Variants in OR2T6 observed in about 807,000 individuals in gnomAD.
OR2T6 encodes the protein olfactory receptor 2T6.
For synonymous variants in OR2T6, 174 were observed against 148.0 expected, an observed-to-expected ratio of 1.18 and a Z score of -1.27; for missense variants, 424 against 391.6, an observed-to-expected ratio of 1.08 and a Z score of -0.70.
rs140972140 is a variant in OR2T6 at position 248,388,023 on chromosome 1, C to T, written c.415C>T (p.Arg139Trp). ...PLRYPVLISW[R>W]VCWMILASSW... is the part of the protein sequence containing the mutation. ...GCGCTATCCTGTCCTCATCAGCTGG[C>T]GGGTCTGCTGGATGATCCTGGCCAG... Residue 139 changes from arginine to tryptophan, a missense_variant, in exon 3 of 3, where the codon CGG becomes TGG. By Grantham distance (101) the Arg-to-Trp change is moderately radical (BLOSUM62 -3). Transcript: ENST00000641644. 1.4e-3 allele frequency: 2,258 copies of T among 1,613,312 alleles called. 3 individuals are homozygous for T. Among genetic ancestry groups the T allele is most frequent in the East Asian group, 3.9e-3 (175 of 44,846 alleles).
rs150463767 is a variant in OR2T6 at position 248,388,366 on chromosome 1, G to T, written c.758G>T (p.Gly253Val). ...SHMMVVTLFY[G>V]AALYTYTLPQ... is the part of the protein sequence containing the mutation. ...ATGATGGTGGTGACATTGTTCTATG[G>T]GGCTGCCTTGTATACGTATACGCTT... is the stretch of plus-strand genomic sequence containing the variant. The change falls in exon 3 of 3, where the codon GGG becomes GTG. Residue 253 changes from glycine (G) to valine (V), a missense_variant. Transcript: ENST00000641644. The T allele has an allele frequency of 1.5e-5, 25 of 1,613,212 alleles. No individual in the cohort carries two copies. Among genetic ancestry groups the T allele is most frequent in the Non-Finnish European group, 2.1e-5 (25 of 1,179,642 alleles).
chr1:248,376,947 G>C (rs1264478608), intron 1 of OR2T6, among the ~76,000 whole-genome samples: 3 of 152,124 alleles, frequency 2.0e-5, no homozygotes, highest in African/African-American at 7.2e-5. Flanking sequence ...GTTTAAAAAT[G>C]GTCAACTACC....
At chr1:248,380,312 A>G (rs1281305299) in intron 1 of OR2T6, among the ~76,000 whole-genome samples, 2 of 151,924 alleles carry the variant, frequency 1.3e-5, no homozygotes, top group Non-Finnish European at 2.9e-5. Flanking sequence ...CTCTTCTCAT[A>G]TCTGTAGTTG....
At chr1:248,384,983 C>G (rs1347700614) in intron 2 of OR2T6, 119 bp downstream of exon 2, 1 of 152,224 alleles carries the variant, frequency 6.6e-6, no homozygotes, top group Non-Finnish European at 1.5e-5. Context: ...GTATTTCTCA[C>G]TTTCCTAAAT....
At chr1:248,385,705 A>G (rs1217194257) in intron 2 of OR2T6, among the ~76,000 whole-genome samples, 3 of 152,212 alleles carry the variant, frequency 2.0e-5, no homozygotes. Flanking sequence ...AGTGCTCAAC[A>G]GGTGACACGT....
rs145498881 is a variant in OR2T6 at position 248,388,298 on chromosome 1, G to A, written c.690G>A (p.Ser230=). The A allele has an allele frequency of 4.9e-5, 79 of 1,613,792 alleles. 1 individual carries two copies. Among genetic ancestry groups the A allele is most frequent in the African/African-American group, 4.3e-4 (32 of 74,966 alleles). ...RILITVHQMT[S]AEGRKKAFAT... ...TCATCACAGTGCATCAGATGACATC[G>A]GCTGAAGGGAGGAAGAAGGCCTTTG... Residue 230 remains serine (S), a synonymous_variant, in exon 3 of 3, where the codon TCG becomes TCA. Coordinates refer to ENST00000641644, the MANE Select transcript of OR2T6 (RefSeq NM_001005471.2).
Position 248,390,780 on chromosome 1 carries a change from C to T in OR2T6, c.*2245C>T, listed in dbSNP as rs1661237484. ...GAAGGAGAGGGCTGGCCCATAAGAA[C>T]TGATCATCAGTTTCAGCTCCACGTA... On this transcript the variant is annotated 3_prime_UTR_variant, in exon 3 of 3. Transcript: ENST00000641644. The T allele has an allele frequency of 6.6e-6, 1 of 152,204 alleles. No homozygotes were observed. The highest frequency in any genetic ancestry group is 1.5e-5 in the Non-Finnish European group (1 of 68,034). The allele number at this position is 152,204 out of a possible 1,614,324, so 9.4% of individuals were successfully genotyped here. A position where few individuals can be genotyped will look rare whatever the true frequency, so the allele number is the denominator to read the frequency against.
At chr1:248,380,944 AT>A (rs894830108) in intron 1 of OR2T6, among the ~76,000 whole-genome samples, 3 of 151,600 alleles carry the variant, frequency 2.0e-5, no homozygotes, top group Non-Finnish European at 4.4e-5. Context: ...TCCTTTTTGC[AT>A]TTTTTTAGTT....
chr1:248,379,181 GAAAAGA>G (rs1183340640), intron 1 of OR2T6, among the ~76,000 whole-genome samples: 1 of 152,062 alleles, frequency 6.6e-6, no homozygotes, highest in African/African-American at 2.4e-5. Flanking sequence ...TCTCAAAAAG[GAAAAGA>G]AAAAGAAAAA....
rs996674177 is a variant in OR2T6, at chr1:248,391,192, C to T, written c.*2657C>T. 1.3e-5 allele frequency: 2 copies of T among 152,166 alleles called. No homozygotes were observed. The highest frequency in any genetic ancestry group is 1.5e-5 in the Non-Finnish European group (1 of 68,036). The allele number at this position is 152,166 out of a possible 1,614,324, so 9.4% of individuals were successfully genotyped here. A position where few individuals can be genotyped will look rare whatever the true frequency, so the allele number is the denominator to read the frequency against. On this transcript the variant is annotated 3_prime_UTR_variant, in exon 3 of 3. Coordinates refer to ENST00000641644, the MANE Select transcript of OR2T6 (RefSeq NM_001005471.2). ...TTATGTTCACAGTAGATTTTTCATA[C>T]ATTCCAAAACATAGACTTAATCAGA... is the stretch of plus-strand genomic sequence containing the variant.
chr1:248,382,867 C>T (rs181846974), intron 1 of OR2T6, among the ~76,000 whole-genome samples: 50 of 152,324 alleles, frequency 3.3e-4, no homozygotes, highest in African/African-American at 1.2e-3. Context: ...TTTCTGCATC[C>T]TGGAGAGCTA....
At chr1:248,379,720 T>C (rs928203177) in intron 1 of OR2T6, among the ~76,000 whole-genome samples, 2 of 152,094 alleles carry the variant, frequency 1.3e-5, no homozygotes, top group Admixed American at 6.6e-5. Flanking sequence ...ATTCCATTTT[T>C]TTGTGTACAA....
At position 248,388,427 on chromosome 1, in the gene OR2T6, C is replaced by G; in HGVS notation, c.819C>G (p.Val273=). 1.9e-6 allele frequency: 3 copies of G among 1,613,758 alleles called. No individual in the cohort carries two copies. The highest frequency in any genetic ancestry group is 2.5e-6 in the Non-Finnish European group (3 of 1,179,794). The change falls in exon 3 of 3, where the codon GTC becomes GTG. Residue 273 remains valine (V), a synonymous_variant. Transcript: ENST00000641644. ...QSYHTPIKDK[V]FSAFYTILTP... is the part of the protein sequence containing the mutation. ...ACCACACCCCAATCAAAGATAAGGTCTTCTCTGCCTTTTATACCATCCTCA... is the reference window on the plus strand; with the variant it reads ...ACCACACCCCAATCAAAGATAAGGTGTTCTCTGCCTTTTATACCATCCTCA...
chr1:248,385,025 C>G (rs1231254997), intron 2 of OR2T6, among the ~76,000 whole-genome samples, 161 bp downstream of exon 2: 1 of 152,188 alleles, frequency 6.6e-6, no homozygotes, highest in Non-Finnish European at 1.5e-5. Context: ...TGAGAACACT[C>G]CTTCAAGAAC....
Position 248,388,060 on chromosome 1 carries a change from G to T in OR2T6, c.452G>T (p.Gly151Val). The change falls in exon 3 of 3, where the codon GGT becomes GTT. Residue 151 changes from glycine to valine, a missense_variant. Gly to Val is a moderately radical substitution (Grantham distance 109, BLOSUM62 -3). Coordinates refer to ENST00000641644, the MANE Select transcript of OR2T6 (RefSeq NM_001005471.2). ...ATGATCCTGGCCAGCTCTTGGTTCG[G>T]TGGGGCTTTGGACAGTTTTCTCCTC... Reference protein sequence around the residue: ...CWMILASSWFGGALDSFLLTP... With the variant: ...CWMILASSWFVGALDSFLLTP... The T allele has an allele frequency of 6.2e-7, 1 of 1,614,028 alleles. No individual in the cohort carries two copies. The highest frequency in any genetic ancestry group is 1.7e-5 in the Admixed American group (1 of 60,020).
chr1:248,376,499 A>C (rs1361378240), intron 1 of OR2T6, among the ~76,000 whole-genome samples: 1 of 152,222 alleles, frequency 6.6e-6, no homozygotes, highest in African/African-American at 2.4e-5. Context: ...CACACTTAAA[A>C]ATACATTTTT....
chr1:248,389,133 T>C lies in OR2T6; in HGVS notation c.*598T>C, dbSNP rs1251604711. ...AAAAAAAAATGAATCATGTGTTTTG[T>C]AGAAATGCCAAGACTAAATCTTTAT... On this transcript the variant is annotated 3_prime_UTR_variant, in exon 3 of 3. Coordinates refer to ENST00000641644, the MANE Select transcript of OR2T6 (RefSeq NM_001005471.2). 1 of 152,264 alleles carries C rather than the reference T, an allele frequency of 6.6e-6. No individual in the cohort carries two copies. The highest frequency in any genetic ancestry group is 2.4e-5 in the African/African-American group (1 of 41,452). The allele number at this position is 152,264 out of a possible 1,614,324, so 9.4% of individuals were successfully genotyped here. A position where few individuals can be genotyped will look rare whatever the true frequency, so the allele number is the denominator to read the frequency against.
In OR2T6 at chr1:248,388,049, C is replaced by T; in HGVS notation, c.441C>T (p.Ser147=). 1 of 1,614,038 alleles carries T rather than the reference C, an allele frequency of 6.2e-7. No individual in the cohort carries two copies. Among genetic ancestry groups the T allele is most frequent in the Non-Finnish European group, 8.5e-7 (1 of 1,179,974 alleles). Residue 147 remains serine (S), a synonymous_variant, in exon 3 of 3, where the codon AGC becomes AGT. Coordinates refer to ENST00000641644, the MANE Select transcript of OR2T6 (RefSeq NM_001005471.2). Reference sequence around the variant, plus strand: ...GGGTCTGCTGGATGATCCTGGCCAGCTCTTGGTTCGGTGGGGCTTTGGACA... The same window carrying T: ...GGGTCTGCTGGATGATCCTGGCCAGTTCTTGGTTCGGTGGGGCTTTGGACA... ...SWRVCWMILA[S]SWFGGALDSF... is the part of the protein sequence containing the mutation.
intron 2 of OR2T6, among the ~76,000 whole-genome samples, chr1:248,385,666 G>A (rs2103071241): frequency 6.6e-6 from 1 of 152,278 alleles, no homozygotes; most frequent in Non-Finnish European, 1.5e-5. Context: ...TGTTCAACAG[G>A]TGACACATAA....
Sources: allele counts gnomAD v4.1 joint callset (sites outside exome capture counted in the v4.1 genomes callset), GRCh38; gene constraint gnomAD v4.1.1; transcripts MANE v1.5; gene names NCBI Gene and HGNC (gene_info 2026-07-23, HGNC 2026-07-21).